SLC16A10: variants seen among roughly 807,000 people sequenced by gnomAD.
The protein encoded by SLC16A10 is monocarboxylate transporter 10.
In SLC16A10, 27 loss-of-function variants were observed where a neutral mutation model predicts 40.0. The observed-to-expected ratio is 0.67, with a 90% confidence interval of 0.50 to 0.93. SLC16A10 has a LOEUF of 0.93. SLC16A10 is among the 40% of genes least tolerant of loss of function. SLC16A10 has a pLI of 0.00. For synonymous variants in SLC16A10, 213 were observed against 249.8 expected (o/e 0.85, Z 1.39); for missense variants, 529 against 658.2 (o/e 0.80, Z 2.15).
At chr6:111,155,821 C>T (rs771449423) in intron 1 of SLC16A10, among the ~76,000 whole-genome samples, 7 of 152,134 alleles carry the variant, frequency 4.6e-5, no homozygotes, top group African/African-American at 9.7e-5. Flanking sequence ...TTTCTACCTC[C>T]TTTGGCTAAG....
chr6:111,167,349 G>A, intron 1 of SLC16A10, among the ~76,000 whole-genome samples: 1 of 152,172 alleles, frequency 6.6e-6, no homozygotes, highest in East Asian at 1.9e-4. Context: ...AATGAGCAAG[G>A]GCAAGTGTCC....
chr6:111,209,996 G>T (rs1773320277), intron 4 of SLC16A10, among the ~76,000 whole-genome samples: 1 of 152,192 alleles, frequency 6.6e-6, no homozygotes, highest in Non-Finnish European at 1.5e-5. Flanking sequence ...TATTATACAT[G>T]AGAGGCAGTA....
chr6:111,120,280 G>A (rs1202238992), intron 1 of SLC16A10, among the ~76,000 whole-genome samples: 3 of 152,164 alleles, frequency 2.0e-5, no homozygotes, highest in East Asian at 3.9e-4. Context: ...TTGATAAATG[G>A]CAGTTCTTCA....
chr6:111,202,884 C>CAAAAAA (rs567667458), intron 3 of SLC16A10, among the ~76,000 whole-genome samples: 6 of 86,314 alleles, frequency 7.0e-5, no homozygotes, highest in African/African-American at 1.8e-4. Context: ...GAGACTCCAT[C>CAAAAAA]AAAAAAAAAA....
chr6:111,225,066 C>T lies in SLC16A10; in HGVS notation c.*2831C>T, dbSNP rs1770965815. The T allele has an allele frequency of 2.0e-5, 3 of 152,136 alleles. No individual in the cohort carries two copies. The South Asian group carries it at 6.2e-4, about 31-fold the overall frequency. 9.4% of individuals were successfully genotyped at this position (152,136 alleles called of 1,614,324 possible). A position where few individuals can be genotyped will look rare whatever the true frequency, so the allele number is the denominator to read the frequency against. On this transcript the variant is annotated 3_prime_UTR_variant, in exon 6 of 6. Coordinates refer to ENST00000368851, the MANE Select transcript of SLC16A10 (RefSeq NM_018593.5). The stretch of plus-strand genomic sequence containing the variant: ...TTGTAACAGATGGCCAAGAAACTTC[C>T]AGAAACATTTTGGTTAAATTTTATT...
chr6:111,170,109 G>A (rs1460626530), intron 1 of SLC16A10, among the ~76,000 whole-genome samples: 1 of 151,872 alleles, frequency 6.6e-6, no homozygotes, highest in Non-Finnish European at 1.5e-5. Context: ...GTAGAGACGA[G>A]GTGTCTCCAT....
chr6:111,107,274 C>T (rs1412479200), intron 1 of SLC16A10, among the ~76,000 whole-genome samples: 3 of 152,164 alleles, frequency 2.0e-5, no homozygotes, highest in Non-Finnish European at 2.9e-5. Flanking sequence ...CTGAACAGTT[C>T]GAGACATTAA....
chr6:111,179,435 T>TA (rs1772749768), intron 3 of SLC16A10, among the ~76,000 whole-genome samples: 1 of 152,214 alleles, frequency 6.6e-6, no homozygotes, highest in African/African-American at 2.4e-5. Context: ...GAGCAGGAGT[T>TA]AGTTCTCTTC....
chr6:111,103,756 G>A (rs956142920), intron 1 of SLC16A10, among the ~76,000 whole-genome samples: 1 of 152,136 alleles, frequency 6.6e-6, no homozygotes, highest in African/African-American at 2.4e-5. Context: ...TAGGTGTTAC[G>A]AGATTGGGAG....
At chr6:111,210,177 T>A (rs1773322256) in intron 4 of SLC16A10, among the ~76,000 whole-genome samples, 2 of 152,166 alleles carry the variant, frequency 1.3e-5, no homozygotes, top group Admixed American at 1.3e-4. Flanking sequence ...ATGCATTATC[T>A]CATTGATCCT....
At chr6:111,114,383 A>G (rs1771447049) in intron 1 of SLC16A10, among the ~76,000 whole-genome samples, 1 of 152,214 alleles carries the variant, frequency 6.6e-6, no homozygotes, top group South Asian at 2.1e-4. Context: ...CACATCTCAT[A>G]GAATCTAAAA....
intron 1 of SLC16A10, among the ~76,000 whole-genome samples, chr6:111,137,322 C>T (rs1351196034): frequency 2.6e-5 from 4 of 152,250 alleles, no homozygotes; most frequent in Admixed American, 2.0e-4. Context: ...TTCACTTAGG[C>T]ATTGATAGCA....
At position 111,228,219 on chromosome 6, in the gene SLC16A10, G is replaced by A. The variant is rs1293802747; in HGVS notation, c.*5984G>A. The A allele has an allele frequency of 6.6e-6, 1 of 152,198 alleles. No homozygotes were observed. The highest frequency in any genetic ancestry group is 2.4e-5 in the African/African-American group (1 of 41,450). 9.4% of individuals were successfully genotyped at this position (152,198 alleles called of 1,614,324 possible). On this transcript the variant is annotated 3_prime_UTR_variant, in exon 6 of 6. Coordinates refer to ENST00000368851, the MANE Select transcript of SLC16A10 (RefSeq NM_018593.5). ...AAGTTTTGTTTTCATTGGCAAGAGGGTAGATGATCAGTGATGACAGATTGT... is the reference window on the plus strand; with the variant it reads ...AAGTTTTGTTTTCATTGGCAAGAGGATAGATGATCAGTGATGACAGATTGT...
intron 1 of SLC16A10, among the ~76,000 whole-genome samples, chr6:111,144,842 ATTCT>A (rs1274891468): frequency 6.6e-6 from 1 of 152,124 alleles, no homozygotes; most frequent in Non-Finnish European, 1.5e-5. Flanking sequence ...TTTTAAAAAC[ATTCT>A]TTCTTTCTTT....
At chr6:111,164,449 G>A (rs1772434254) in intron 1 of SLC16A10, among the ~76,000 whole-genome samples, 1 of 152,212 alleles carries the variant, frequency 6.6e-6, no homozygotes, top group East Asian at 1.9e-4. Flanking sequence ...AGCAAGCAAG[G>A]TGAACAATTT....
rs545591943 is a variant in SLC16A10, at chr6:111,134,238, G to A, written c.344-38457G>A. 2.0e-4 allele frequency among the ~76,000 whole-genome samples: 30 copies of A among 152,292 alleles called. No homozygotes were observed. In the South Asian group the frequency reaches 2.9e-3, roughly 15 times the overall value. ...CATTTGCTAACTTGCGTGCTAGAAG[G>A]ACTAAGGAAAACTAGGAAGAAGCCT... On this transcript the variant is annotated intron_variant, in intron 1 of 5. Coordinates refer to ENST00000368851, the MANE Select transcript of SLC16A10 (RefSeq NM_018593.5).
At chr6:111,216,714 C>G (rs559211560) in intron 4 of SLC16A10, among the ~76,000 whole-genome samples, 3 of 152,096 alleles carry the variant, frequency 2.0e-5, no homozygotes, top group South Asian at 4.2e-4. Context: ...CGCGCCCAGC[C>G]GGCCAACTCG....
In SLC16A10 at chr6:111,226,207, A is replaced by G. The variant is rs549845261; in HGVS notation, c.*3972A>G. On this transcript the variant is annotated 3_prime_UTR_variant, in exon 6 of 6. Coordinates refer to ENST00000368851, the MANE Select transcript of SLC16A10 (RefSeq NM_018593.5). ...AAAAAACCATTGCCAAGTCTTTAGC[A>G]TATTTTCAGAGAGCGTAATTTTTTA... The G allele has an allele frequency of 2.0e-5, 3 of 152,258 alleles. No homozygotes were observed. The South Asian group carries it at 6.2e-4, about 32-fold the overall frequency. The allele number at this position is 152,258 out of a possible 1,614,324, so 9.4% of individuals were successfully genotyped here. A position where few individuals can be genotyped will look rare whatever the true frequency, so the allele number is the denominator to read the frequency against.
At chr6:111,094,970 A>G (rs1480292745) in intron 1 of SLC16A10, among the ~76,000 whole-genome samples, 2 of 152,238 alleles carry the variant, frequency 1.3e-5, no homozygotes, top group African/African-American at 2.4e-5. Context: ...ACAATTAGTC[A>G]TAACCCCTTA....
Sources: allele counts gnomAD v4.1 joint callset (sites outside exome capture counted in the v4.1 genomes callset), GRCh38; gene constraint gnomAD v4.1.1; transcripts MANE v1.5; gene names NCBI Gene and HGNC (gene_info 2026-07-23, HGNC 2026-07-21).